COL25A1: variants seen among roughly 807,000 people sequenced by gnomAD.
COL25A1 encodes collagen alpha-1(XXV) chain.
Under a neutral mutation model 128.4 loss-of-function variants are expected in COL25A1, and 103 were observed. The ratio of observed to expected loss-of-function variants is 0.80; its 90% CI spans 0.68 to 0.94. The LOEUF (loss-of-function observed/expected upper bound fraction) is 0.94, where lower values mean the gene tolerates loss of function less well. Among genes scored for constraint, COL25A1 ranks in the 40% least tolerant of loss-of-function variants. The pLI, the probability that COL25A1 is intolerant of heterozygous loss-of-function variation, is 0.00. For synonymous variants in COL25A1, 279 were observed against 277.2 expected (o/e 1.01, Z -0.06); for missense variants, 745 against 840.0 (o/e 0.89, Z 1.40).
intron 8 of COL25A1, among the ~76,000 whole-genome samples, chr4:108,946,342 A>G (rs929958958): frequency 6.6e-6 from 1 of 152,244 alleles, no homozygotes; most frequent in African/African-American, 2.4e-5. Flanking sequence ...GTGTTATAAG[A>G]TTACAAATAG....
intron 6 of COL25A1, among the ~76,000 whole-genome samples, chr4:108,981,470 C>T (rs371305358): frequency 1.3e-5 from 2 of 151,878 alleles, no homozygotes; most frequent in South Asian, 4.2e-4. Context: ...TAGGAGTTCC[C>T]GTATGTAAGT....
At chr4:108,927,543 A>G (rs1017826770) in intron 11 of COL25A1, among the ~76,000 whole-genome samples, 3 of 152,134 alleles carry the variant, frequency 2.0e-5, no homozygotes, top group Non-Finnish European at 4.4e-5. Flanking sequence ...TGTTTCCGTA[A>G]TATCACCCCA....
At chr4:109,164,253 A>G (rs2126122495) in intron 3 of COL25A1, among the ~76,000 whole-genome samples, 1 of 152,304 alleles carries the variant, frequency 6.6e-6, no homozygotes, top group East Asian at 1.9e-4. Flanking sequence ...TCACTGCTTG[A>G]TAAGAGAGGA....
intron 3 of COL25A1, among the ~76,000 whole-genome samples, chr4:109,268,748 CA>C (rs1246818403): frequency 6.6e-6 from 1 of 152,122 alleles, no homozygotes; most frequent in African/African-American, 2.4e-5. Flanking sequence ...TGAGGCACAG[CA>C]AAGCTAGCCC....
intron 3 of COL25A1, among the ~76,000 whole-genome samples, chr4:109,254,599 T>C (rs990861130): frequency 3.3e-5 from 5 of 149,760 alleles, no homozygotes; most frequent in Admixed American, 6.7e-5. Flanking sequence ...GATTATCAAC[T>C]CCTTAAACAC....
intron 5 of COL25A1, among the ~76,000 whole-genome samples, chr4:109,014,831 C>T (rs188662893): frequency 2.6e-5 from 4 of 152,284 alleles, no homozygotes; most frequent in Admixed American, 2.6e-4. Flanking sequence ...ACAAAGCATA[C>T]AATGTAACAA....
intron 37 of COL25A1, 31 bp from the exon 38 acceptor site, chr4:108,813,960 C>A (rs772721762): frequency 6.4e-7 from 1 of 1,557,722 alleles, no homozygotes; most frequent in East Asian, 2.2e-5. Flanking sequence ...AAGACAAATA[C>A]ATGGAATTAG....
At chr4:108,883,292 T>A (rs1202734013) in intron 19 of COL25A1, among the ~76,000 whole-genome samples, 1 of 152,026 alleles carries the variant, frequency 6.6e-6, no homozygotes, top group Non-Finnish European at 1.5e-5. Context: ...CCTCCCAAAG[T>A]GTTAGGATTA....
chr4:109,182,939 C>T (rs1774804855), intron 3 of COL25A1, among the ~76,000 whole-genome samples: 1 of 151,932 alleles, frequency 6.6e-6, no homozygotes, highest in Admixed American at 6.6e-5. Context: ...GGTCATAGCA[C>T]ACACACACAC....
chr4:108,863,286 G>A (rs1478892214), intron 21 of COL25A1, 33 bp downstream of exon 21: 3 of 1,597,096 alleles, frequency 1.9e-6, no homozygotes, highest in Non-Finnish European at 2.6e-6. Flanking sequence ...TCAAGCCAGA[G>A]AATGGTTATT....
intron 3 of COL25A1, among the ~76,000 whole-genome samples, chr4:109,203,451 C>T (rs1201805533): frequency 1.3e-5 from 2 of 151,684 alleles, no homozygotes; most frequent in Admixed American, 1.3e-4. Flanking sequence ...AGAGCCTCCC[C>T]CAAAGAAGAA....
chr4:109,120,344 T>C (rs1048929323), intron 3 of COL25A1, among the ~76,000 whole-genome samples: 1 of 152,128 alleles, frequency 6.6e-6, no homozygotes, highest in Non-Finnish European at 1.5e-5. Flanking sequence ...AACTGCCTCT[T>C]TTTTTGTAGA....
At chr4:108,906,313 C>T (rs1007520758) in intron 13 of COL25A1, among the ~76,000 whole-genome samples, 28 of 152,068 alleles carry the variant, frequency 1.8e-4, no homozygotes, top group Admixed American at 1.2e-3. Context: ...CGTTCTCTAA[C>T]GGACCTCCTA....
chr4:108,964,853 T>C (rs2125976154), intron 8 of COL25A1, among the ~76,000 whole-genome samples: 1 of 152,284 alleles, frequency 6.6e-6, no homozygotes. Flanking sequence ...GCTTACTGTT[T>C]CCATGCCAGC....
intron 3 of COL25A1, among the ~76,000 whole-genome samples, chr4:109,171,901 G>A (rs922292490): frequency 2.0e-5 from 3 of 152,168 alleles, no homozygotes; most frequent in Admixed American, 2.0e-4. Flanking sequence ...TTTGTTTAAA[G>A]ACCAGTCTCC....
At chr4:109,055,462 A>G (rs112749652) in intron 3 of COL25A1, among the ~76,000 whole-genome samples, 2 of 152,224 alleles carry the variant, frequency 1.3e-5, no homozygotes, top group African/African-American at 4.8e-5. Context: ...AGTCCCACAC[A>G]GCAGATCCCA....
chr4:108,832,168 G>A (rs1325613219), intron 32 of COL25A1, among the ~76,000 whole-genome samples: 2 of 152,124 alleles, frequency 1.3e-5, no homozygotes, highest in Non-Finnish European at 2.9e-5. Context: ...TGTATGTATT[G>A]TTTTTATTAA....
intron 24 of COL25A1, among the ~76,000 whole-genome samples, chr4:108,856,776 CG>C (rs1736564550): frequency 1.3e-5 from 2 of 152,058 alleles, no homozygotes; most frequent in Admixed American, 1.3e-4. Context: ...AGAAGTATAT[CG>C]TTTCATATTG....
Position 109,098,268 on chromosome 4 carries a change from T to C in COL25A1, c.368-48089A>G, listed in dbSNP as rs552631710. 3.3e-5 allele frequency among the ~76,000 whole-genome samples: 5 copies of C among 152,272 alleles called. No homozygotes were observed. The South Asian group carries it at 1.0e-3, about 32-fold the overall frequency. On this transcript the variant is annotated intron_variant, in intron 3 of 37. Coordinates refer to ENST00000399132, the MANE Select transcript of COL25A1 (RefSeq NM_198721.4). ...AGACCCATACTGTCTTGTGGAAGTG[T>C]CTGTGGGCCAAGGGAAGGCCCTGGA...
Sources: gnomAD v4.1 joint callset for allele counts (sites outside exome capture counted in the v4.1 genomes callset) on GRCh38, gnomAD v4.1.1 for gene constraint, MANE v1.5 for transcripts, NCBI Gene and HGNC (gene_info 2026-07-23, HGNC 2026-07-21) for gene names.